The following SPIDR variants were observed in gnomAD, a reference collection of about 807,000 sequenced individuals.
SPIDR encodes scaffold protein involved in DNA repair, also known as DNA repair-scaffolding protein.
Under a neutral mutation model 104.6 loss-of-function variants are expected in SPIDR, and 93 were observed. The observed-to-expected ratio is 0.89, with a 90% confidence interval of 0.75 to 1.06. The LOEUF (loss-of-function observed/expected upper bound fraction) is 1.06, where lower values mean the gene tolerates loss of function less well. Ranked by LOEUF, SPIDR falls within the 50% of genes least tolerant of loss-of-function variation. SPIDR has a pLI of 0.00. For missense variants in SPIDR, 1,154 were observed against 1,111.2 expected (o/e 1.04, Z -0.55); for synonymous variants, 431 against 416.9 (o/e 1.03, Z -0.41).
In SPIDR at chr8:47,702,619, T is replaced by G. The variant is rs144734691; in HGVS notation, c.1977+604T>G. On this transcript the variant is annotated intron_variant, in intron 14 of 19. Transcript: ENST00000297423. ...AGACCTGCTTGCCAGTTTGAATGCA[T>G]GGACTACATTCTGCTAGAAACCTCT... Among the ~76,000 whole-genome samples the G allele has an allele frequency of 7.0e-4, 107 of 152,312 alleles. 2 individuals are homozygous for G. Among genetic ancestry groups the G allele is most frequent in the African/African-American group, 2.4e-3 (100 of 41,574 alleles).
intron 8 of SPIDR, 46 bp from the exon 9 acceptor site, chr8:47,595,765 A>G: frequency 6.4e-7 from 1 of 1,568,166 alleles, no homozygotes; most frequent in Non-Finnish European, 8.8e-7. Context: ...ATATGAGGGG[A>G]CCCCAATATT....
rs116201035 is a variant in SPIDR at position 47,376,070 on chromosome 8, A to G, written c.526-20306A>G. Among the ~76,000 whole-genome samples the G allele has an allele frequency of 2.8e-3, 423 of 152,302 alleles. 3 individuals are homozygous for G. Among genetic ancestry groups the G allele is most frequent in the African/African-American group, 9.8e-3 (408 of 41,568 alleles). On this transcript the variant is annotated intron_variant, in intron 5 of 19. Coordinates refer to ENST00000297423, the MANE Select transcript of SPIDR (RefSeq NM_001080394.4). ...AAATCATCTCTCACTGTGCCTTTTT[A>G]GGGACTTTGATTGTGTTAGACACAC...
Position 47,396,498 on chromosome 8 carries a change from A to G in SPIDR, c.648A>G (p.Ala216=). The G allele has an allele frequency of 3.1e-6, 5 of 1,614,190 alleles. No homozygotes were observed. Among genetic ancestry groups the G allele is most frequent in the Non-Finnish European group, 4.2e-6 (5 of 1,180,026 alleles). The change falls in exon 6 of 20, where the codon GCA becomes GCG. Residue 216 remains alanine (A), a synonymous_variant. Transcript: ENST00000297423. ...ACCACGTGCAGTTTGCATCGGATGC[A>G]AGACAGATTATGGAGAGACTGATAG... ...HKYHVQFASD[A]RQIMERLIDP...
intron 8 of SPIDR, among the ~76,000 whole-genome samples, chr8:47,522,574 TCTC>T (rs1393874192): frequency 1.3e-5 from 2 of 152,064 alleles, no homozygotes; most frequent in Non-Finnish European, 2.9e-5. Flanking sequence ...TCCCTCACCC[TCTC>T]CTCCTGCCAA....
intron 5 of SPIDR, among the ~76,000 whole-genome samples, chr8:47,359,681 G>T (rs190212191): frequency 6.6e-6 from 1 of 152,132 alleles, no homozygotes; most frequent in Non-Finnish European, 1.5e-5. Context: ...TCTATAGCGG[G>T]TAGAGAGCAT....
Position 47,662,354 on chromosome 8 carries a change from G to T in SPIDR, c.1545-11447G>T, listed in dbSNP as rs188180274. ...GGTTGCAAGTTTCTCAAGATAACTA[G>T]AAAGTTGAATTTTATGTAAAGTCTT... On this transcript the variant is annotated intron_variant, in intron 10 of 19. Coordinates refer to ENST00000297423, the MANE Select transcript of SPIDR (RefSeq NM_001080394.4). 2.0e-3 allele frequency among the ~76,000 whole-genome samples: 311 copies of T among 152,330 alleles called. 3 individuals are homozygous for T. The highest frequency in any genetic ancestry group is 4.6e-4 in the Non-Finnish European group (31 of 68,024).
chr8:47,293,108 C>G (rs1396538392), intron 4 of SPIDR, among the ~76,000 whole-genome samples: 1 of 151,900 alleles, frequency 6.6e-6, no homozygotes, highest in Non-Finnish European at 1.5e-5. Context: ...GTGGTCTGAC[C>G]TTCGGTCTGT....
rs377242211 is a variant in SPIDR, at chr8:47,266,623, GC to G, written c.33+5634del. Among the ~76,000 whole-genome samples, 30 of 152,254 alleles carry G rather than the reference GC, an allele frequency of 2.0e-4. 1 individual carries two copies. Among genetic ancestry groups the G allele is most frequent in the Middle Eastern group, 3.4e-3 (1 of 294 alleles). ...AAGTTTTCATTTCTCTGAGATAAATGCCTAAGTATGTAATTGCCAGAACCTA... is the reference window on the plus strand; with the variant it reads ...AAGTTTTCATTTCTCTGAGATAAATGCTAAGTATGTAATTGCCAGAACCTA... On this transcript the variant is annotated intron_variant, in intron 1 of 19. Transcript: ENST00000297423.
chr8:47,624,922 G>A (rs947120110), intron 10 of SPIDR, among the ~76,000 whole-genome samples: 1 of 152,178 alleles, frequency 6.6e-6, no homozygotes, highest in Non-Finnish European at 1.5e-5. Flanking sequence ...AAGCCTGGCA[G>A]AGACACAACC....
At chr8:47,657,056 T>C (rs1301498270) in intron 10 of SPIDR, among the ~76,000 whole-genome samples, 1 of 152,174 alleles carries the variant, frequency 6.6e-6, no homozygotes, top group Non-Finnish European at 1.5e-5. Context: ...TTTGGGATGA[T>C]AAAAATATCC....
At chr8:47,655,317 G>A (rs1208219929) in intron 10 of SPIDR, among the ~76,000 whole-genome samples, 1 of 152,148 alleles carries the variant, frequency 6.6e-6, no homozygotes, top group African/African-American at 2.4e-5. Flanking sequence ...CTTCCACAAT[G>A]GTTGAACTAG....
chr8:47,419,858 G>A (rs1170787023), intron 7 of SPIDR, among the ~76,000 whole-genome samples: 2 of 152,068 alleles, frequency 1.3e-5, no homozygotes, highest in Non-Finnish European at 2.9e-5. Context: ...CTTTATTTCT[G>A]CCTTCATTTC....
intron 5 of SPIDR, among the ~76,000 whole-genome samples, chr8:47,336,126 T>A (rs1554608990): frequency 6.6e-6 from 1 of 152,222 alleles, no homozygotes; most frequent in Non-Finnish European, 1.5e-5. Flanking sequence ...GATACTCTAT[T>A]TTTTTCAGTC....
At chr8:47,351,258 A>G (rs2053461048) in intron 5 of SPIDR, among the ~76,000 whole-genome samples, 1 of 152,248 alleles carries the variant, frequency 6.6e-6, no homozygotes, top group Non-Finnish European at 1.5e-5. Context: ...TATGGTGAAT[A>G]TAGCGTTTGG....
At chr8:47,546,467 C>T (rs1285598076) in intron 8 of SPIDR, among the ~76,000 whole-genome samples, 1 of 152,000 alleles carries the variant, frequency 6.6e-6, no homozygotes, top group Non-Finnish European at 1.5e-5. Flanking sequence ...TTTTTCACTC[C>T]AGATATTGGT....
chr8:47,695,903 C>A (rs552103644), intron 11 of SPIDR, among the ~76,000 whole-genome samples: 15 of 152,062 alleles, frequency 9.9e-5, no homozygotes, highest in Non-Finnish European at 2.2e-4. Context: ...AGGTGGGAAC[C>A]CTGCTTCCTT....
intron 8 of SPIDR, among the ~76,000 whole-genome samples, chr8:47,521,993 G>A (rs902587801): frequency 5.3e-5 from 8 of 151,462 alleles, no homozygotes; most frequent in Admixed American, 3.3e-4. Context: ...GTGAAACCCC[G>A]TGTCTACTAA....
chr8:47,310,188 G>A (rs1276030906), intron 5 of SPIDR, among the ~76,000 whole-genome samples: 1 of 151,642 alleles, frequency 6.6e-6, no homozygotes, highest in Non-Finnish European at 1.5e-5. Flanking sequence ...CAAAAAATTA[G>A]CCGGGCGTGT....
At chr8:47,453,380 T>G (rs1467780193) in intron 8 of SPIDR, among the ~76,000 whole-genome samples, 3 of 152,100 alleles carry the variant, frequency 2.0e-5, no homozygotes, top group Admixed American at 2.0e-4. Context: ...GCAGTTCATA[T>G]GGAACCAGAG....
Sources: gnomAD v4.1 joint callset for allele counts (sites outside exome capture counted in the v4.1 genomes callset) on GRCh38, gnomAD v4.1.1 for gene constraint, MANE v1.5 for transcripts, NCBI Gene and HGNC (gene_info 2026-07-23, HGNC 2026-07-21) for gene names.